RPS6KA2: variants seen among roughly 807,000 people sequenced by gnomAD.
RPS6KA2 encodes ribosomal protein S6 kinase alpha-2.
A neutral mutation model predicts 91.8 loss-of-function variants in RPS6KA2; 42 were observed. The observed-to-expected ratio is 0.46, with a 90% CI of 0.36 to 0.59. RPS6KA2 has a LOEUF of 0.59. Ranked by LOEUF, RPS6KA2 falls within the 20% of genes least tolerant of loss-of-function variation. RPS6KA2 has a pLI of 0.00. For missense variants in RPS6KA2, 798 were observed against 978.5 expected (o/e 0.82, Z 2.46); for synonymous variants, 414 against 393.6 (o/e 1.05, Z -0.61).
intron 2 of RPS6KA2, among the ~76,000 whole-genome samples, chr6:166,656,538 T>TCGGCAGGTGGGCC (rs892997843): frequency 4.6e-5 from 7 of 152,208 alleles, no homozygotes; most frequent in African/African-American, 1.7e-4. Context: ...CAGCAGGGCC[T>TCGGCAGGTGGGCC]CGGCAGGTGG....
rs1778263173 is a variant in RPS6KA2, at chr6:166,410,396, AACATATGATACC to A, written c.*2354_*2365del. The A allele has an allele frequency of 6.6e-6, 1 of 152,604 alleles. No individual in the cohort carries two copies. Among genetic ancestry groups the A allele is most frequent in the Non-Finnish European group, 1.5e-5 (1 of 68,040 alleles). The allele number at this position is 152,604 out of a possible 1,614,324, so 9.5% of individuals were successfully genotyped here. A position where few individuals can be genotyped will look rare whatever the true frequency, so the allele number is the denominator to read the frequency against. ...ACTAAGGTTTTTGAAAGCTTAGTTTAACATATGATACCATAACTTCTTTAGGCTGACTTTTGT... is the reference window on the plus strand; with the variant it reads ...ACTAAGGTTTTTGAAAGCTTAGTTTAATAACTTCTTTAGGCTGACTTTTGT... On this transcript the variant is annotated 3_prime_UTR_variant, in exon 21 of 21. Coordinates refer to ENST00000265678, the MANE Select transcript of RPS6KA2 (RefSeq NM_021135.6).
At chr6:166,586,335 C>G in intron 1 of RPS6KA2, 1 of 1,599,520 alleles carries the variant, frequency 6.3e-7, no homozygotes, top group South Asian at 1.1e-5. Flanking sequence ...TTGGTTCCCA[C>G]CAGCTCTGCT....
Position 166,844,421 on chromosome 6 carries a change from C to T in RPS6KA2, c.123+13779G>A, listed in dbSNP as rs112034349. Among the ~76,000 whole-genome samples, 350 of 152,266 alleles carry T rather than the reference C, an allele frequency of 2.3e-3. 2 individuals carry two copies. The highest frequency in any genetic ancestry group is 8.0e-3 in the African/African-American group (334 of 41,542). ...ATTCAAATACAAGAAGCTCAAAGAA[C>T]ATCTGGGAAGTTCATCACAAAAAGA... On this transcript the variant is annotated intron_variant, in intron 2 of 21. Transcript: ENST00000503859.
At chr6:166,514,577 G>T (rs560552203) in intron 3 of RPS6KA2, among the ~76,000 whole-genome samples, 10 of 152,216 alleles carry the variant, frequency 6.6e-5, no homozygotes, top group Non-Finnish European at 1.2e-4. Context: ...CACTGATGAG[G>T]CCTGCGGGCA....
chr6:166,769,041 C>T lies in RPS6KA2; in HGVS notation c.123+89159G>A, dbSNP rs188310756. On this transcript the variant is annotated intron_variant, in intron 2 of 21. Coordinates refer to the RPS6KA2 transcript ENST00000503859. Reference sequence around the variant, plus strand: ...GGCAACTTACGGTTAATGCCTGTGCCGGCCTGGCTGTTGATTTAGGAAGGA... The same window carrying T: ...GGCAACTTACGGTTAATGCCTGTGCTGGCCTGGCTGTTGATTTAGGAAGGA... Among the ~76,000 whole-genome samples, 78 of 152,248 alleles carry T rather than the reference C, an allele frequency of 5.1e-4. 1 individual carries two copies. The East Asian group carries it at 0.011, about 22-fold the overall frequency.
At position 166,603,280 on chromosome 6, in the gene RPS6KA2, C is replaced by A. The variant is rs1449046077; in HGVS notation, c.99+23641G>T. Among the ~76,000 whole-genome samples, 1 of 152,198 alleles carries A rather than the reference C, an allele frequency of 6.6e-6. No homozygotes were observed. Among genetic ancestry groups the A allele is most frequent in the Non-Finnish European group, 1.5e-5 (1 of 68,038 alleles). ...CAGGGAAGCTTGGCTGAGATCACTG[C>A]ACCTGCTCTCGGCTTGTGTGGGCCA... On this transcript the variant is annotated intron_variant, in intron 1 of 20. Transcript: ENST00000265678. This position sits in a 1 kb window ranked among gnomAD's most constrained non-coding sequence, Gnocchi z 4.3.
At position 166,639,756 on chromosome 6, in the gene RPS6KA2, T is replaced by C. The variant is rs1464368124; in HGVS notation, c.124-100972A>G. ...CCACTGGCCACATCTCCTTCCAGCA[T>C]CTTCCAGACCCAGCATTGCTCCAGG... On this transcript the variant is annotated intron_variant, in intron 2 of 21. Coordinates refer to the RPS6KA2 transcript ENST00000503859. The surrounding 1 kb of genome is among the most constrained non-coding windows in gnomAD (Gnocchi z 4.2). 1.3e-5 allele frequency among the ~76,000 whole-genome samples: 2 copies of C among 152,202 alleles called. No homozygotes were observed. Among genetic ancestry groups the C allele is most frequent in the African/African-American group, 2.4e-5 (1 of 41,440 alleles).
At chr6:166,420,422 C>G (rs1315151581) in intron 17 of RPS6KA2, among the ~76,000 whole-genome samples, 2 of 152,184 alleles carry the variant, frequency 1.3e-5, no homozygotes, top group Admixed American at 6.5e-5. Flanking sequence ...CCCCCAGCCC[C>G]CAACACCTAC....
chr6:166,488,675 A>G (rs936824641), intron 10 of RPS6KA2, among the ~76,000 whole-genome samples, 158 bp downstream of exon 10: 1 of 152,196 alleles, frequency 6.6e-6, no homozygotes, highest in African/African-American at 2.4e-5. Context: ...TGGAGCTCAG[A>G]TGGCACTGGT....
chr6:166,630,819 G>C (rs75435941), upstream of RPS6KA2, among the ~76,000 whole-genome samples: 314 of 152,374 alleles, frequency 2.1e-3, no homozygotes, highest in Non-Finnish European at 3.7e-3. Flanking sequence ...TACTTGAAAT[G>C]TTTATGACTT....
intron 2 of RPS6KA2, among the ~76,000 whole-genome samples, chr6:166,837,243 G>A (rs542137469): frequency 1.3e-4 from 20 of 151,646 alleles, no homozygotes; most frequent in East Asian, 5.9e-4. Flanking sequence ...CCACCCCCAC[G>A]GAGCAGCCTT....
chr6:166,558,768 C>T (rs1285712552), intron 1 of RPS6KA2, among the ~76,000 whole-genome samples: 14 of 152,182 alleles, frequency 9.2e-5, no homozygotes, highest in East Asian at 3.8e-4. Context: ...AAGCCCACAC[C>T]GTGGAGAAAG....
At chr6:166,620,427 G>A (rs1011913202) in intron 1 of RPS6KA2, among the ~76,000 whole-genome samples, 2 of 152,152 alleles carry the variant, frequency 1.3e-5, no homozygotes, top group Non-Finnish European at 2.9e-5. Context: ...GTGGGCTGAT[G>A]CCAGAAACAG....
chr6:166,476,506 A>G (rs734560), intron 10 of RPS6KA2, among the ~76,000 whole-genome samples: 54,948 of 151,918 alleles, frequency 0.36, 11,294 homozygotes, highest in African/African-American at 0.56. Flanking sequence ...TTTTCCTTTG[A>G]TTTCCTAATT....
rs112340841 is a variant in RPS6KA2, at chr6:166,418,092, G to GAA, written c.1938+131_1938+132dup. The GAA allele has an allele frequency of 8.8e-4, 504 of 571,100 alleles. No homozygotes were observed. The highest frequency in any genetic ancestry group is 1.4e-3 in the East Asian group (42 of 30,954). 35.4% of individuals were successfully genotyped at this position (571,100 alleles called of 1,614,324 possible). ...GAGACAGAGCGAGACTCCATTTCAA[G>GAA]AAAAAAAAAAAAATATGCTGAGGAT... On this transcript the variant is annotated intron_variant, in intron 19 of 20. Coordinates refer to ENST00000265678, the MANE Select transcript of RPS6KA2 (RefSeq NM_021135.6). The surrounding 1 kb of genome is among the most constrained non-coding windows in gnomAD (Gnocchi z 4.9).
intron 1 of RPS6KA2, among the ~76,000 whole-genome samples, chr6:166,604,526 C>T (rs983293257): frequency 5.9e-5 from 9 of 152,188 alleles, no homozygotes; most frequent in Admixed American, 2.6e-4. Context: ...GGGAGCTTCC[C>T]GGGCGGGGCC....
intron 2 of RPS6KA2, among the ~76,000 whole-genome samples, chr6:166,744,955 C>T (rs149129947): frequency 6.2e-4 from 94 of 152,144 alleles, no homozygotes; most frequent in Admixed American, 1.3e-3. Context: ...GCTCAGGCTG[C>T]GTAACAAATA....
intron 20 of RPS6KA2, 141 bp downstream of exon 20, chr6:166,413,653 G>C: frequency 1.3e-6 from 1 of 772,556 alleles, no homozygotes; most frequent in East Asian, 2.8e-5. Context: ...CACGAAGGTA[G>C]GTGGGCCGGC....
At chr6:166,535,492 AT>A (rs1783449954) in intron 2 of RPS6KA2, among the ~76,000 whole-genome samples, 1 of 152,234 alleles carries the variant, frequency 6.6e-6, no homozygotes, top group African/African-American at 2.4e-5. Context: ...CCTTTTTCGA[AT>A]GCAGGAATCA....
Sources: allele counts gnomAD v4.1 joint callset (sites outside exome capture counted in the v4.1 genomes callset), GRCh38; gene constraint gnomAD v4.1.1; non-coding constraint Gnocchi (gnomAD v3.1); transcripts MANE v1.5; gene names NCBI Gene and HGNC (gene_info 2026-07-23, HGNC 2026-07-21).